The following FA2H variants were observed in gnomAD, a reference collection of about 807,000 sequenced individuals.
FA2H encodes fatty acid alpha-hydroxylase.
In FA2H, 22 loss-of-function variants were observed where a neutral mutation model predicts 44.9. That is an observed-to-expected ratio of 0.49 (90% CI 0.35 to 0.70). FA2H has a LOEUF of 0.70. Ranked by LOEUF, FA2H falls within the 30% of genes least tolerant of loss-of-function variation. The probability of loss-of-function intolerance (pLI) is 0.01; values close to 1 mark genes in which losing one functional copy is unlikely to be tolerated. For missense variants in FA2H, 501 were observed against 504.9 expected (o/e 0.99, Z 0.07); for synonymous variants, 243 against 213.2 (o/e 1.14, Z -1.22).
At chr16:74,757,124 C>T (rs995454469) in intron 1 of FA2H, among the ~76,000 whole-genome samples, 1 of 151,118 alleles carries the variant, frequency 6.6e-6, no homozygotes, top group African/African-American at 2.4e-5. Context: ...CAGGCTAATA[C>T]CCTTTACCTC....
chr16:74,774,732 G>A lies in FA2H; in HGVS notation c.24C>T (p.Ala8=). The change falls in exon 1 of 7, where the codon GCC becomes GCT. Residue 8 remains alanine, a synonymous_variant. Coordinates refer to ENST00000219368, the MANE Select transcript of FA2H (RefSeq NM_024306.5). ...GGACCTCGGAGGGCGAGAAGGAGGC[G>A]GCGGGGGGCGGAGCGGGGGCCATGG... The part of the protein sequence containing the change: MAPAPPP[A]ASFSPSEVQR... 7.6e-7 allele frequency: 1 copy of A among 1,323,436 alleles called. No individual in the cohort carries two copies. The highest frequency in any genetic ancestry group is 2.2e-5 in the South Asian group (1 of 44,968). 82.0% of individuals were successfully genotyped at this position (1,323,436 alleles called of 1,614,324 possible).
At chr16:74,733,125 C>T (rs757458932) in intron 2 of FA2H, among the ~76,000 whole-genome samples, 11 of 152,216 alleles carry the variant, frequency 7.2e-5, no homozygotes, top group South Asian at 4.1e-4. Flanking sequence ...TGTGTCTCCA[C>T]GAGGAAGCCC....
At chr16:74,769,466 A>G (rs1469579521) in intron 1 of FA2H, among the ~76,000 whole-genome samples, 2 of 152,174 alleles carry the variant, frequency 1.3e-5, no homozygotes. Flanking sequence ...GAGTACATGG[A>G]AAAATAAAGT....
chr16:74,770,390 G>GT (rs1962883837), intron 1 of FA2H, among the ~76,000 whole-genome samples: 1 of 151,754 alleles, frequency 6.6e-6, no homozygotes, highest in Non-Finnish European at 1.5e-5. Context: ...TTGTTTGTTT[G>GT]TTTTTGAGAC....
chr16:74,774,304 A>G (rs985262551), intron 1 of FA2H, among the ~76,000 whole-genome samples, 182 bp downstream of exon 1: 6 of 151,724 alleles, frequency 4.0e-5, no homozygotes, highest in African/African-American at 1.5e-4. Context: ...TGGAGAGAGG[A>G]AGGAGGGGTT....
intron 2 of FA2H, among the ~76,000 whole-genome samples, chr16:74,738,963 T>A (rs1284704876): frequency 6.6e-6 from 1 of 152,246 alleles, no homozygotes; most frequent in Non-Finnish European, 1.5e-5. Context: ...GAGGCGTCTG[T>A]GCTGTGGGCG....
chr16:74,752,239 G>A (rs1028488965), intron 1 of FA2H, among the ~76,000 whole-genome samples: 1 of 152,056 alleles, frequency 6.6e-6, no homozygotes. Context: ...AGCCCAATCT[G>A]CCCTCCACAT....
At chr16:74,756,823 T>A (rs1760373546) in intron 1 of FA2H, among the ~76,000 whole-genome samples, 2 of 152,044 alleles carry the variant, frequency 1.3e-5, no homozygotes, top group Non-Finnish European at 2.9e-5. Flanking sequence ...CCTAAAATAA[T>A]ACCTATTTTT....
chr16:74,721,271 G>C (rs138593853), intron 4 of FA2H, among the ~76,000 whole-genome samples: 16 of 152,184 alleles, frequency 1.1e-4, no homozygotes, highest in African/African-American at 3.1e-4. Context: ...GGGTTCAAGT[G>C]ATTCTCCTGC....
At chr16:74,732,711 C>T (rs573719499) in intron 2 of FA2H, among the ~76,000 whole-genome samples, 3 of 152,238 alleles carry the variant, frequency 2.0e-5, no homozygotes, top group African/African-American at 7.2e-5. Flanking sequence ...GCTGGGATTA[C>T]AGGTGTGAAC....
intron 1 of FA2H, among the ~76,000 whole-genome samples, chr16:74,769,002 GGT>G (rs1365027292): frequency 2.3e-4 from 35 of 152,280 alleles, no homozygotes; most frequent in African/African-American, 8.2e-4. Context: ...CTCCAGGATT[GGT>G]GGGGCATGGG....
At chr16:74,732,325 A>AG (rs1454953874) in intron 2 of FA2H, among the ~76,000 whole-genome samples, 2 of 152,226 alleles carry the variant, frequency 1.3e-5, no homozygotes, top group African/African-American at 4.8e-5. Flanking sequence ...GGATGTGGCC[A>AG]GGGGGCCCCT....
chr16:74,755,657 A>G (rs564846039), intron 1 of FA2H, among the ~76,000 whole-genome samples: 2 of 152,344 alleles, frequency 1.3e-5, no homozygotes, highest in South Asian at 4.1e-4. Flanking sequence ...TCAAACATAC[A>G]GCAAACTGGG....
At chr16:74,735,584 G>C (rs2158457) in intron 2 of FA2H, among the ~76,000 whole-genome samples, 1 of 152,240 alleles carries the variant, frequency 6.6e-6, no homozygotes, top group Non-Finnish European at 1.5e-5. Flanking sequence ...GGCTGAAGAC[G>C]AGCGAAGGGA....
intron 1 of FA2H, among the ~76,000 whole-genome samples, chr16:74,764,148 T>TG (rs1441838101): frequency 6.6e-6 from 1 of 152,164 alleles, no homozygotes; most frequent in Non-Finnish European, 1.5e-5. Flanking sequence ...AAAGAGCAGG[T>TG]GGGGAAAGTG....
At position 74,721,820 on chromosome 16, in the gene FA2H, C is replaced by T. The variant is rs546610249; in HGVS notation, c.614-2660G>A. The stretch of plus-strand genomic sequence containing the variant: ...CTTCCCCCAACTTCCAAGCACACCA[C>T]ATTCTGCCGGTACCCTGGCGCATCC... On this transcript the variant is annotated intron_variant, in intron 4 of 6. Transcript: ENST00000219368. Among the ~76,000 whole-genome samples the T allele has an allele frequency of 3.9e-5, 6 of 152,322 alleles. No homozygotes were observed. In the East Asian group the frequency reaches 9.6e-4, roughly 24 times the overall value.
chr16:74,772,147 C>T (rs560572876), intron 1 of FA2H, among the ~76,000 whole-genome samples: 6 of 152,302 alleles, frequency 3.9e-5, no homozygotes, highest in Admixed American at 3.9e-4. Flanking sequence ...TGGCCTCCCC[C>T]CACATCCCTG....
At chr16:74,746,670 C>T (rs1204129179) in intron 1 of FA2H, among the ~76,000 whole-genome samples, 3 of 152,178 alleles carry the variant, frequency 2.0e-5, no homozygotes, top group African/African-American at 7.2e-5. Flanking sequence ...TTGAAACTCC[C>T]AGGCAAGCTG....
intron 2 of FA2H, among the ~76,000 whole-genome samples, chr16:74,739,266 C>G (rs1962244408): frequency 6.6e-6 from 1 of 152,162 alleles, no homozygotes; most frequent in African/African-American, 2.4e-5. Flanking sequence ...AGAGGGCATG[C>G]AGGGTAGGGG....
Sources: gnomAD v4.1 joint callset for allele counts (sites outside exome capture counted in the v4.1 genomes callset) on GRCh38, gnomAD v4.1.1 for gene constraint, MANE v1.5 for transcripts, NCBI Gene and HGNC (gene_info 2026-07-23, HGNC 2026-07-21) for gene names.